Variants in PRKD1 observed in about 807,000 individuals in gnomAD.
The protein encoded by PRKD1 is protein kinase D1.
In PRKD1, 63 loss-of-function variants were observed where a neutral mutation model predicts 95.9. That is an observed-to-expected ratio of 0.66 (90% confidence interval 0.54 to 0.81). PRKD1 has a LOEUF of 0.81. Among genes scored for constraint, PRKD1 ranks in the 30% least tolerant of loss-of-function variants. The pLI, the probability that PRKD1 is intolerant of heterozygous loss-of-function variation, is 0.00. For missense variants in PRKD1, 1,048 were observed against 1,165.3 expected (o/e 0.90, Z 1.47); for synonymous variants, 425 against 423.1 (o/e 1.00, Z -0.05).
chr14:29,700,479 T>G (rs1884771675), intron 2 of PRKD1, among the ~76,000 whole-genome samples: 1 of 152,202 alleles, frequency 6.6e-6, no homozygotes, highest in African/African-American at 2.4e-5. Context: ...TCCTTGTTTT[T>G]TCATTTAACT....
chr14:29,767,775 A>G (rs1407802229), intron 1 of PRKD1, among the ~76,000 whole-genome samples: 1 of 152,226 alleles, frequency 6.6e-6, no homozygotes, highest in East Asian at 1.9e-4. Flanking sequence ...TCTCTCAGGC[A>G]CAACTATATT....
At chr14:29,741,287 C>G (rs1886968998) in intron 1 of PRKD1, among the ~76,000 whole-genome samples, 5 of 152,104 alleles carry the variant, frequency 3.3e-5, no homozygotes, top group Admixed American at 2.0e-4. Flanking sequence ...AAATAAAGTT[C>G]ACCGTGAATA....
intron 1 of PRKD1, among the ~76,000 whole-genome samples, chr14:29,888,241 A>G (rs955264616): frequency 2.6e-5 from 4 of 151,972 alleles, no homozygotes; most frequent in Admixed American, 6.6e-5. Context: ...GAGTGATCCT[A>G]TGATTTTGCC....
intron 1 of PRKD1, among the ~76,000 whole-genome samples, chr14:29,909,279 C>A (rs1025875853): frequency 6.7e-6 from 1 of 149,126 alleles, no homozygotes; most frequent in African/African-American, 2.5e-5. Flanking sequence ...GAGCCTCCCC[C>A]CTACCCAACC....
chr14:29,919,740 G>T (rs1895020325), intron 1 of PRKD1, among the ~76,000 whole-genome samples: 1 of 145,584 alleles, frequency 6.9e-6, no homozygotes, highest in Admixed American at 6.6e-5. Context: ...AAGCAGGTGG[G>T]TCATCACTTG....
At chr14:29,794,721 A>T (rs889059717) in intron 1 of PRKD1, among the ~76,000 whole-genome samples, 1 of 151,258 alleles carries the variant, frequency 6.6e-6, no homozygotes, top group Non-Finnish European at 1.5e-5. Context: ...CTCCCTATGT[A>T]TATGTATCAG....
intron 1 of PRKD1, among the ~76,000 whole-genome samples, chr14:29,891,479 C>G (rs1245388823): frequency 6.6e-6 from 1 of 152,182 alleles, no homozygotes. Context: ...CCTTCTATGC[C>G]TCTGCCTTCT....
chr14:29,737,035 A>G (rs1886749415), intron 1 of PRKD1, among the ~76,000 whole-genome samples: 2 of 152,242 alleles, frequency 1.3e-5, no homozygotes, highest in Admixed American at 6.5e-5. Flanking sequence ...GGAAATGAAA[A>G]TACTCGGCCG....
In PRKD1 at chr14:29,577,334, G is replaced by C. The variant is rs182604595; in HGVS notation, c.2643C>G (p.Pro881=). 6.2e-7 allele frequency: 1 copy of C among 1,613,792 alleles called. No individual in the cohort carries two copies. The highest frequency in any genetic ancestry group is 8.5e-7 in the Non-Finnish European group (1 of 1,179,814). Residue 881 remains proline (P), a synonymous_variant, in exon 18 of 18, where the codon CCC becomes CCG. Coordinates refer to ENST00000331968, the MANE Select transcript of PRKD1 (RefSeq NM_002742.3). The part of the protein sequence containing the change: ...KYAGEQGLQY[P]THLINPSASH... ...TAGCACTTGGATTGATCAGGTGTGT[G>C]GGGTACTGCAGCCCCTGCTCGCCTG...
At chr14:29,598,794 G>A (rs570302015) in intron 15 of PRKD1, among the ~76,000 whole-genome samples, 4 of 152,292 alleles carry the variant, frequency 2.6e-5, no homozygotes, top group South Asian at 4.1e-4. Flanking sequence ...GGCCACTTCC[G>A]GAAAAGCCAA....
In PRKD1 at chr14:29,761,862, C is replaced by G. The variant is rs1375165049; in HGVS notation, c.265-36188G>C. 1.5e-4 allele frequency among the ~76,000 whole-genome samples: 22 copies of G among 148,936 alleles called. No homozygotes were observed. In the Admixed American group the frequency reaches 1.5e-3, roughly 10 times the overall value. ...CGGTGGCATGATCCTAGCTCACTGT[C>G]ACCTCAAACTCTTGGGCTCAAGCAA... On this transcript the variant is annotated intron_variant, in intron 1 of 17. Transcript: ENST00000331968.
At chr14:29,824,437 C>T (rs1350057303) in intron 1 of PRKD1, among the ~76,000 whole-genome samples, 1 of 152,128 alleles carries the variant, frequency 6.6e-6, no homozygotes, top group Non-Finnish European at 1.5e-5. Flanking sequence ...CCAACCACCA[C>T]TTTTTAAGTC....
In PRKD1 at chr14:29,636,544, G is replaced by C. The variant is rs759405145; in HGVS notation, c.986-50C>G. 4.6e-5 allele frequency: 73 copies of C among 1,583,626 alleles called. No homozygotes were observed. The East Asian group carries it at 9.7e-4, about 21-fold the overall frequency. ...AGATAAGCCTGGAATCTTGGAGCCA[G>C]GGCTTAAGAGACAGTCAGGTGATCC... On this transcript the variant is annotated intron_variant, in intron 6 of 17. Transcript: ENST00000331968.
intron 2 of PRKD1, among the ~76,000 whole-genome samples, chr14:29,682,119 G>A (rs1234693683): frequency 6.6e-6 from 1 of 152,194 alleles, no homozygotes; most frequent in Non-Finnish European, 1.5e-5. Context: ...TAAAGTGTAT[G>A]TGTCTGTATG....
intron 4 of PRKD1, among the ~76,000 whole-genome samples, chr14:29,655,516 G>T (rs1881781832): frequency 6.6e-6 from 1 of 152,114 alleles, no homozygotes; most frequent in African/African-American, 2.4e-5. Flanking sequence ...GAAAATAACA[G>T]TATGTCAACT....
intron 13 of PRKD1, among the ~76,000 whole-genome samples, chr14:29,619,920 A>C (rs1186908274): frequency 6.6e-6 from 1 of 152,040 alleles, no homozygotes; most frequent in East Asian, 1.9e-4. Context: ...CTGACTTCAA[A>C]CTATACTACA....
At chr14:29,616,898 C>A (rs1200370866) in intron 13 of PRKD1, among the ~76,000 whole-genome samples, 1 of 152,100 alleles carries the variant, frequency 6.6e-6, no homozygotes, top group East Asian at 1.9e-4. Flanking sequence ...GTTTCATTAT[C>A]CAGATAATAA....
rs111492767 is a variant in PRKD1 at position 29,734,966 on chromosome 14, T to G, written c.265-9292A>C. Among the ~76,000 whole-genome samples the G allele has an allele frequency of 8.1e-3, 1,241 of 152,300 alleles. 23 individuals are homozygous for G. Among genetic ancestry groups the G allele is most frequent in the African/African-American group, 0.028 (1,148 of 41,552 alleles). The stretch of plus-strand genomic sequence containing the variant: ...AGGCAGGAAGCTCAGGTGTTTGTAG[T>G]ACTTACCTTGTTTGTTTCCCTTTTC... On this transcript the variant is annotated intron_variant, in intron 1 of 17. Transcript: ENST00000331968.
At chr14:29,697,101 C>T (rs1884561652) in intron 2 of PRKD1, among the ~76,000 whole-genome samples, 2 of 151,294 alleles carry the variant, frequency 1.3e-5, no homozygotes. Context: ...CCCAAGATAT[C>T]ACATCTACAG....
Sources: allele counts gnomAD v4.1 joint callset (sites outside exome capture counted in the v4.1 genomes callset), GRCh38; gene constraint gnomAD v4.1.1; transcripts MANE v1.5; gene names NCBI Gene and HGNC (gene_info 2026-07-23, HGNC 2026-07-21).